Variants in SIPA1L3 observed in about 807,000 individuals in gnomAD.
SIPA1L3 encodes the protein signal-induced proliferation-associated 1-like protein 3.
Under a neutral mutation model 150.1 loss-of-function variants are expected in SIPA1L3, and 59 were observed. The observed-to-expected ratio is 0.39, with a 90% CI of 0.32 to 0.49. The LOEUF (loss-of-function observed/expected upper bound fraction) is 0.49. Ranked by LOEUF, SIPA1L3 falls within the 20% of genes least tolerant of loss-of-function variation. The pLI is 0.86. For missense variants in SIPA1L3, 2,211 were observed against 2,489.5 expected (o/e 0.89, Z 2.38); for synonymous variants, 1,070 against 1,077.6 (o/e 0.99, Z 0.14).
At chr19:37,952,429 T>C (rs1270662877) in intron 1 of SIPA1L3, among the ~76,000 whole-genome samples, 2 of 152,186 alleles carry the variant, frequency 1.3e-5, no homozygotes, top group Non-Finnish European at 2.9e-5. Context: ...TCCTAGCACT[T>C]TGGGATGCCG....
intron 2 of SIPA1L3, among the ~76,000 whole-genome samples, chr19:38,062,155 C>G (rs916920344): frequency 6.6e-6 from 1 of 152,008 alleles, no homozygotes; most frequent in Non-Finnish European, 1.5e-5. Flanking sequence ...TGGCACTTAC[C>G]CCCTCTGGTA....
At chr19:38,145,755 G>C (rs1971690018) in intron 12 of SIPA1L3, among the ~76,000 whole-genome samples, 1 of 152,048 alleles carries the variant, frequency 6.6e-6, no homozygotes, top group South Asian at 2.1e-4. Flanking sequence ...CATGTGAAGT[G>C]TTGTGTAACC....
At chr19:38,085,413 G>C (rs909490306) in intron 3 of SIPA1L3, among the ~76,000 whole-genome samples, 3 of 149,282 alleles carry the variant, frequency 2.0e-5, no homozygotes, top group Non-Finnish European at 4.4e-5. Flanking sequence ...CCGGGAGGCA[G>C]AGCTTGCAGT....
chr19:38,008,419 C>T (rs997188791), intron 1 of SIPA1L3, among the ~76,000 whole-genome samples: 18 of 151,392 alleles, frequency 1.2e-4, no homozygotes, highest in East Asian at 1.9e-4. Flanking sequence ...AGTAGAGACA[C>T]GGTTTCACCA....
chr19:38,121,266 ATC>A (rs1971011099), intron 9 of SIPA1L3, among the ~76,000 whole-genome samples: 1 of 151,578 alleles, frequency 6.6e-6, no homozygotes, highest in Non-Finnish European at 1.5e-5. Context: ...GTGAAACCCC[ATC>A]TCTACTAAAA....
intron 12 of SIPA1L3, among the ~76,000 whole-genome samples, chr19:38,151,576 A>T (rs757692618): frequency 1.3e-5 from 2 of 152,134 alleles, no homozygotes; most frequent in Non-Finnish European, 2.9e-5. Flanking sequence ...AACCAACCTC[A>T]GACAGGGAGA....
chr19:38,176,053 A>G (rs1972428489), intron 15 of SIPA1L3, among the ~76,000 whole-genome samples: 1 of 152,190 alleles, frequency 6.6e-6, no homozygotes. Context: ...TAAAAAATAC[A>G]AAAATTAGCC....
chr19:38,108,509 G>T (rs934825052), intron 7 of SIPA1L3: 7 of 152,228 alleles, frequency 4.6e-5, no homozygotes, highest in African/African-American at 1.7e-4. Flanking sequence ...TTAGCGATTT[G>T]ATTTAATGCC....
At chr19:38,056,187 C>T (rs1423074700) in intron 2 of SIPA1L3, among the ~76,000 whole-genome samples, 1 of 152,230 alleles carries the variant, frequency 6.6e-6, no homozygotes, top group African/African-American at 2.4e-5. Context: ...CCCAGTCGGT[C>T]CCTTCTCTGC....
chr19:38,036,639 G>A (rs1466355050), intron 2 of SIPA1L3, among the ~76,000 whole-genome samples: 1 of 152,194 alleles, frequency 6.6e-6, no homozygotes, highest in Non-Finnish European at 1.5e-5. Flanking sequence ...CTGCTTTCTA[G>A]CTGCCTTCAT....
chr19:37,940,309 AC>A (rs1233259570), intron 1 of SIPA1L3, among the ~76,000 whole-genome samples: 1 of 151,496 alleles, frequency 6.6e-6, no homozygotes, highest in African/African-American at 2.4e-5. Context: ...AAAAAAAAAA[AC>A]AAAAAAAAAG....
chr19:38,011,305 T>C (rs1007193499), intron 1 of SIPA1L3, among the ~76,000 whole-genome samples: 4 of 151,968 alleles, frequency 2.6e-5, no homozygotes, highest in Non-Finnish European at 4.4e-5. Context: ...TGAAACCCCC[T>C]CTCTACAAAA....
At chr19:38,157,574 C>T (rs1971977886) in intron 13 of SIPA1L3, among the ~76,000 whole-genome samples, 1 of 152,156 alleles carries the variant, frequency 6.6e-6, no homozygotes, top group African/African-American at 2.4e-5. Flanking sequence ...CCATGGTCAC[C>T]GGCTGCCCAG....
At chr19:38,053,147 G>A (rs775786400) in intron 2 of SIPA1L3, among the ~76,000 whole-genome samples, 4 of 152,246 alleles carry the variant, frequency 2.6e-5, no homozygotes, top group Non-Finnish European at 5.9e-5. Context: ...GAGGTGAGGG[G>A]AGCCCAGGGG....
intron 1 of SIPA1L3, among the ~76,000 whole-genome samples, chr19:38,000,636 C>T (rs1268677029): frequency 6.8e-6 from 1 of 146,314 alleles, no homozygotes; most frequent in African/African-American, 2.5e-5. Flanking sequence ...ATTTTTCACT[C>T]GATGTTCAAA....
chr19:38,003,487 A>G (rs1479403110), intron 1 of SIPA1L3, among the ~76,000 whole-genome samples: 1 of 152,162 alleles, frequency 6.6e-6, no homozygotes, highest in Non-Finnish European at 1.5e-5. Context: ...GGCTGTGGGC[A>G]GGGATCCCCA....
rs34359575 is a variant in SIPA1L3 at position 38,207,425 on chromosome 19, G to GATATATATATATAT, written c.*1196_*1209dup. The GATATATATATATAT allele has an allele frequency of 3.6e-5, 5 of 139,166 alleles. No individual in the cohort carries two copies. The Admixed American group carries it at 3.6e-4, about 10-fold the overall frequency. The allele number at this position is 139,166 out of a possible 1,614,324, so 8.6% of individuals were successfully genotyped here. A position where few individuals can be genotyped will look rare whatever the true frequency, so the allele number is the denominator to read the frequency against. On this transcript the variant is annotated 3_prime_UTR_variant, in exon 22 of 22. Coordinates refer to ENST00000222345, the MANE Select transcript of SIPA1L3 (RefSeq NM_015073.3). Reference sequence around the variant, plus strand: ...CCTTCTTTAAAAGCAAACAGAAAAAGATATATATATATATATATATATATT... The same window carrying GATATATATATATAT: ...CCTTCTTTAAAAGCAAACAGAAAAAGATATATATATATATATATATATATATATATATATATATT...
chr19:38,060,204 A>G (rs909161078), intron 2 of SIPA1L3, among the ~76,000 whole-genome samples: 1 of 152,214 alleles, frequency 6.6e-6, no homozygotes, highest in African/African-American at 2.4e-5. Context: ...TTTGAACTTT[A>G]TATAAAAACA....
intron 1 of SIPA1L3, among the ~76,000 whole-genome samples, chr19:37,917,260 G>T (rs554759991): frequency 6.6e-6 from 1 of 152,216 alleles, no homozygotes; most frequent in African/African-American, 2.4e-5. Flanking sequence ...CTACCACATC[G>T]GACAGCACTG....
Sources: gnomAD v4.1 joint callset for allele counts (sites outside exome capture counted in the v4.1 genomes callset) on GRCh38, gnomAD v4.1.1 for gene constraint, MANE v1.5 for transcripts, NCBI Gene and HGNC (gene_info 2026-07-23, HGNC 2026-07-21) for gene names.